Variants in SVBP observed in about 807,000 individuals in gnomAD.
The protein encoded by SVBP is small vasohibin binding protein.
SVBP carries 9 observed loss-of-function variants against 9.2 expected under a neutral mutation model. That is an observed-to-expected ratio of 0.98 (90% CI 0.59 to 1.71). The LOEUF is 1.71. Ranked by LOEUF, SVBP falls within the 40% of genes most tolerant of loss-of-function variation. The pLI is 0.00. For missense variants in SVBP, 63 were observed against 73.2 expected (o/e 0.86, Z 0.51); for synonymous variants, 27 against 23.9 (o/e 1.13, Z -0.37).
At chr1:42,815,820 A>G (rs1654189801) in intron 2 of SVBP, among the ~76,000 whole-genome samples, 1 of 152,226 alleles carries the variant, frequency 6.6e-6, no homozygotes, top group South Asian at 2.1e-4. Context: ...GTAGTTGTCC[A>G]TGGAGAAGTA....
chr1:42,815,347 C>T (rs1231629312), intron 2 of SVBP, among the ~76,000 whole-genome samples: 2 of 151,308 alleles, frequency 1.3e-5, no homozygotes, highest in Non-Finnish European at 2.9e-5. Flanking sequence ...TGCACAGGTA[C>T]CCTAGAACTT....
At position 42,816,481 on chromosome 1, in the gene SVBP, C is replaced by T. The variant is rs1414375271; in HGVS notation, c.64G>A (p.Ala22Thr). The T allele has an allele frequency of 5.6e-6, 9 of 1,613,982 alleles. No individual in the cohort carries two copies. The highest frequency in any genetic ancestry group is 2.2e-5 in the East Asian group (1 of 44,886). Reference protein sequence around the residue: ...VKESVSRVEKAKQKSAQQELK... With the variant: ...VKESVSRVEKTKQKSAQQELK... ...TCCTGCTGGGCTGATTTCTGTTTGG[C>T]CTTCTCAACTCTGCTGACAGATTCT... The change falls in exon 2 of 3, where the codon GCC (alanine) becomes ACC (threonine). Residue 22 changes from alanine to threonine, a missense_variant. Ala to Thr is a moderately conservative substitution (Grantham distance 58). Coordinates refer to ENST00000372521, the MANE Select transcript of SVBP (RefSeq NM_199342.4).
intron 1 of SVBP, 40 bp from the exon 2 acceptor site, chr1:42,816,620 A>C: frequency 9.7e-7 from 1 of 1,034,836 alleles, no homozygotes; most frequent in South Asian, 1.3e-5. Flanking sequence ...AAAACAAAAC[A>C]AAACAAAAAA....
In SVBP at chr1:42,817,282, A is replaced by C. The variant is rs989877919; in HGVS notation, c.-129T>G. On this transcript the variant is annotated 5_prime_UTR_variant, in exon 1 of 3. Coordinates refer to ENST00000372521, the MANE Select transcript of SVBP (RefSeq NM_199342.4). ...ATCCTCGCCTTCCCCCGACCACTGGACCCAGCGCTGCCTGCCCACCGCCCC... is the reference window on the plus strand; with the variant it reads ...ATCCTCGCCTTCCCCCGACCACTGGCCCCAGCGCTGCCTGCCCACCGCCCC... 26 of 1,221,462 alleles carry C rather than the reference A, an allele frequency of 2.1e-5. No individual in the cohort carries two copies. The highest frequency in any genetic ancestry group is 2.7e-5 in the Non-Finnish European group (26 of 951,084). The allele number at this position is 1,221,462 out of a possible 1,614,324, so 75.7% of individuals were successfully genotyped here. A position where few individuals can be genotyped will look rare whatever the true frequency, so the allele number is the denominator to read the frequency against.
At chr1:42,809,325 G>A (rs1336038648) in intron 2 of SVBP, among the ~76,000 whole-genome samples, 1 of 152,064 alleles carries the variant, frequency 6.6e-6, no homozygotes, top group African/African-American at 2.4e-5. Flanking sequence ...AAACTTAGAA[G>A]TGGGACAAAT....
At position 42,810,125 on chromosome 1, in the gene SVBP, TACACAC is replaced by T. The variant is rs60221264; in HGVS notation, c.115-2631_115-2626del. 1.7e-3 allele frequency among the ~76,000 whole-genome samples: 233 copies of T among 141,026 alleles called. 1 individual carries two copies. The highest frequency in any genetic ancestry group is 3.5e-3 in the Middle Eastern group (1 of 284). The allele number at this position is 141,026 out of a possible 152,430, so 92.5% of individuals were successfully genotyped here. A position where few individuals can be genotyped will look rare whatever the true frequency, so the allele number is the denominator to read the frequency against. On this transcript the variant is annotated intron_variant, in intron 2 of 2. Transcript: ENST00000372521. Reference sequence around the variant, plus strand: ...ACACACACACACACACATACATACATACACACACACACACACACACACACACACATA... The same window carrying T: ...ACACACACACACACACATACATACATACACACACACACACACACACACATA...
Position 42,814,893 on chromosome 1 carries a change from A to G in SVBP, c.114+1538T>C, listed in dbSNP as rs1361282411. On this transcript the variant is annotated intron_variant, in intron 2 of 2. Coordinates refer to ENST00000372521, the MANE Select transcript of SVBP (RefSeq NM_199342.4). ...GTATATACCCAAAGGATTATAAACC[A>G]TGCTGCTATAAAGACACATGCACAC... Among the ~76,000 whole-genome samples the G allele has an allele frequency of 1.0e-3, 157 of 152,324 alleles. 1 individual carries two copies. Among genetic ancestry groups the G allele is most frequent in the Middle Eastern group, 6.8e-3 (2 of 294 alleles).
intron 2 of SVBP, among the ~76,000 whole-genome samples, chr1:42,808,639 ATG>A (rs957208647): frequency 1.1e-4 from 16 of 149,154 alleles, no homozygotes; most frequent in Admixed American, 4.0e-4. Flanking sequence ...CTATATATGT[ATG>A]TATATATAGC....
At chr1:42,810,393 A>G (rs550196966) in intron 2 of SVBP, among the ~76,000 whole-genome samples, 229 of 152,162 alleles carry the variant, frequency 1.5e-3, no homozygotes, top group African/African-American at 4.9e-3. Context: ...TGATCTGCCC[A>G]CCTTGGCCTC....
At chr1:42,808,479 A>G (rs923058931) in intron 2 of SVBP, among the ~76,000 whole-genome samples, 3 of 145,974 alleles carry the variant, frequency 2.1e-5, no homozygotes, top group Non-Finnish European at 4.5e-5. Flanking sequence ...TAGTGTATAT[A>G]TACTATATAT....
chr1:42,809,982 G>A (rs1020666019), intron 2 of SVBP, among the ~76,000 whole-genome samples: 17 of 152,106 alleles, frequency 1.1e-4, no homozygotes, highest in African/African-American at 4.1e-4. Flanking sequence ...GGTGGGAAGG[G>A]TGAGGTACAT....
Position 42,807,395 on chromosome 1 carries a change from C to A in SVBP, c.*19G>T. The A allele has an allele frequency of 6.3e-7, 1 of 1,599,978 alleles. No individual in the cohort carries two copies. Among genetic ancestry groups the A allele is most frequent in the Non-Finnish European group, 8.6e-7 (1 of 1,167,472 alleles). ...CCTCTCAAAGCTCTCAGGATCCCAT[C>A]TGGTTTGAACCTGGGGCCTCATTCT... On this transcript the variant is annotated 3_prime_UTR_variant, in exon 3 of 3. Coordinates refer to ENST00000372521, the MANE Select transcript of SVBP (RefSeq NM_199342.4).
At chr1:42,810,392 C>T (rs1654059467) in intron 2 of SVBP, among the ~76,000 whole-genome samples, 1 of 152,120 alleles carries the variant, frequency 6.6e-6, no homozygotes, top group Non-Finnish European at 1.5e-5. Flanking sequence ...GTGATCTGCC[C>T]ACCTTGGCCT....
rs1015958835 is a variant in SVBP at position 42,817,235 on chromosome 1, A to G, written c.-82T>C. ...GAAGTTGGAGCCTCCGCCGAGTCGC[A>G]GACAACGCCTCCGGGAGGGTAATCC... On this transcript the variant is annotated 5_prime_UTR_variant, in exon 1 of 3. Transcript: ENST00000372521. The G allele has an allele frequency of 9.6e-6, 12 of 1,255,222 alleles. No individual in the cohort carries two copies. In the African/African-American group the frequency reaches 1.9e-4, roughly 20 times the overall value. The allele number at this position is 1,255,222 out of a possible 1,614,324, so 77.8% of individuals were successfully genotyped here.
At chr1:42,808,035 A>G (rs1215738378) in intron 2 of SVBP, among the ~76,000 whole-genome samples, 2 of 151,016 alleles carry the variant, frequency 1.3e-5, no homozygotes, top group Non-Finnish European at 3.0e-5. Flanking sequence ...CAAGAAAATT[A>G]TGTTGGGGTC....
chr1:42,814,938 A>G (rs868158079), intron 2 of SVBP, among the ~76,000 whole-genome samples: 1 of 152,130 alleles, frequency 6.6e-6, no homozygotes, highest in Non-Finnish European at 1.5e-5. Flanking sequence ...TTATGGCACT[A>G]TTCACAATAG....
intron 2 of SVBP, among the ~76,000 whole-genome samples, chr1:42,809,460 G>A (rs1393972929): frequency 6.6e-6 from 1 of 152,098 alleles, no homozygotes; most frequent in Non-Finnish European, 1.5e-5. Context: ...CCTCTGACAT[G>A]ACAGATCAAC....
Position 42,810,095 on chromosome 1 carries a change from AACAC to A in SVBP, c.115-2599_115-2596del, listed in dbSNP as rs35552772. 1.1e-3 allele frequency among the ~76,000 whole-genome samples: 153 copies of A among 143,862 alleles called. 1 individual carries two copies. Among genetic ancestry groups the A allele is most frequent in the East Asian group, 2.6e-3 (13 of 5,042 alleles). The allele number at this position is 143,862 out of a possible 152,430, so 94.4% of individuals were successfully genotyped here. ...ACACACATTATATAAATATACTTTT[AACAC>A]ACACACACACACACACATACATACA... On this transcript the variant is annotated intron_variant, in intron 2 of 2. Coordinates refer to ENST00000372521, the MANE Select transcript of SVBP (RefSeq NM_199342.4).
chr1:42,817,363 G>A lies in SVBP; in HGVS notation c.-210C>T, dbSNP rs948479687. The A allele has an allele frequency of 2.6e-5, 18 of 688,714 alleles. No homozygotes were observed. Among genetic ancestry groups the A allele is most frequent in the Middle Eastern group, 4.6e-4 (1 of 2,162 alleles). The allele number at this position is 688,714 out of a possible 1,614,324, so 42.7% of individuals were successfully genotyped here. A position where few individuals can be genotyped will look rare whatever the true frequency, so the allele number is the denominator to read the frequency against. ...AGGGGCGCAGGGCCGAGCGCCAGGA[G>A]GCTTCCGCCCGCAGGAGCGGCCGCG... On this transcript the variant is annotated 5_prime_UTR_variant, in exon 1 of 3. Transcript: ENST00000372521.
Sources: allele counts gnomAD v4.1 joint callset (sites outside exome capture counted in the v4.1 genomes callset), GRCh38; gene constraint gnomAD v4.1.1; transcripts MANE v1.5; gene names NCBI Gene and HGNC (gene_info 2026-07-23, HGNC 2026-07-21).